Variants in PDE8B observed in about 807,000 individuals in gnomAD.
PDE8B encodes the protein phosphodiesterase 8B.
In PDE8B, 26 loss-of-function variants were observed where a neutral mutation model predicts 101.3. That is an observed-to-expected ratio of 0.26 (90% CI 0.19 to 0.36). PDE8B has a LOEUF of 0.36. Ranked by LOEUF, PDE8B falls within the 10% of genes least tolerant of loss-of-function variation. PDE8B has a pLI of 1.00. For missense variants in PDE8B, 810 were observed against 1,163.1 expected, an observed-to-expected ratio of 0.70 and a Z score of 4.42; for synonymous variants, 424 against 429.3, an observed-to-expected ratio of 0.99 and a Z score of 0.15.
chr5:77,108,288 C>A, the PDE8B span, among the ~76,000 whole-genome samples: 1 of 152,148 alleles, frequency 6.6e-6, no homozygotes, highest in Non-Finnish European at 1.5e-5. Flanking sequence ...TTAAAATTGA[C>A]ATTCATTTTA....
the PDE8B span, among the ~76,000 whole-genome samples, chr5:77,161,218 A>C: frequency 6.6e-6 from 1 of 152,164 alleles, no homozygotes; most frequent in Non-Finnish European, 1.5e-5. Context: ...CTCTTGTGCC[A>C]TTTTATATGG....
intron 1 of PDE8B, chr5:77,290,188 G>A (rs1402280501): frequency 4.8e-5 from 73 of 1,508,900 alleles, no homozygotes; most frequent in Non-Finnish European, 2.7e-6. Flanking sequence ...CCATTGATGT[G>A]GCGCCTGCCT....
At chr5:77,388,298 C>A (rs1459036356) in intron 10 of PDE8B, among the ~76,000 whole-genome samples, 1 of 152,162 alleles carries the variant, frequency 6.6e-6, no homozygotes, top group Non-Finnish European at 1.5e-5. Flanking sequence ...GATGCTATTC[C>A]TGTCTGTTAG....
chr5:77,125,579 C>T, the PDE8B span, among the ~76,000 whole-genome samples: 7 of 152,144 alleles, frequency 4.6e-5, no homozygotes, highest in Non-Finnish European at 1.0e-4. Context: ...TCAAAACAGA[C>T]GAATGGATGT....
In PDE8B at chr5:77,325,539, G is replaced by A. The variant is rs376749035; in HGVS notation, c.400G>A (p.Val134Ile). Reference sequence around the variant, plus strand: ...AGATGCCCTTTTTGTTGTGTTTCAGGTTTTGCTGATCTTTGCAAAGGAAGA... The same window carrying A: ...AGATGCCCTTTTTGTTGTGTTTCAGATTTTGCTGATCTTTGCAAAGGAAGA... ...PMRLTQDPIQ[V>I]LLIFAKEDSQ... Residue 134 changes from valine (V) to isoleucine (I), a missense_variant and splice_region_variant, in exon 3 of 22, where the codon GTT becomes ATT. By Grantham distance (29) the Val-to-Ile change is conservative (BLOSUM62 3). This residue lies in a region of PDE8B where 251 missense variants were observed against 378.8 expected (regional missense o/e 0.66). Transcript: ENST00000264917. 1.2e-6 allele frequency: 2 copies of A among 1,613,696 alleles called. No homozygotes were observed. Among genetic ancestry groups the A allele is most frequent in the African/African-American group, 2.7e-5 (2 of 74,898 alleles).
At chr5:77,416,021 CT>C (rs1156882780) in intron 17 of PDE8B, among the ~76,000 whole-genome samples, 40 of 152,196 alleles carry the variant, frequency 2.6e-4, no homozygotes, top group Admixed American at 2.6e-3. Context: ...GTGGGGTTTT[CT>C]TCCATGGACA....
At chr5:77,145,782 T>C in the PDE8B span, 3 of 152,216 alleles carry the variant, frequency 2.0e-5, no homozygotes, top group South Asian at 4.1e-4. Context: ...GAGTACAAAA[T>C]GAAAGGAGGC....
chr5:77,102,533 C>G, the PDE8B span, among the ~76,000 whole-genome samples: 2 of 152,156 alleles, frequency 1.3e-5, no homozygotes, highest in African/African-American at 4.8e-5. Flanking sequence ...TGAGGCAGGG[C>G]AGGAGCTAGG....
chr5:77,376,308 G>T (rs545635094), intron 10 of PDE8B, among the ~76,000 whole-genome samples: 6 of 152,224 alleles, frequency 3.9e-5, no homozygotes, highest in Admixed American at 2.0e-4. Context: ...CTGCTCGACC[G>T]CATGGCACCA....
At chr5:77,139,693 C>T in the PDE8B span, 2 of 152,082 alleles carry the variant, frequency 1.3e-5, no homozygotes, top group African/African-American at 2.4e-5. Context: ...TTCCTTAGTT[C>T]CAGTTTGCTT....
At chr5:77,392,543 G>A (rs1166491644) in intron 10 of PDE8B, among the ~76,000 whole-genome samples, 1 of 152,180 alleles carries the variant, frequency 6.6e-6, no homozygotes, top group Non-Finnish European at 1.5e-5. Flanking sequence ...AGTATTTACA[G>A]TAGGTATGTG....
intron 1 of PDE8B, among the ~76,000 whole-genome samples, chr5:77,224,483 C>T (rs929636272): frequency 1.3e-5 from 2 of 152,168 alleles, no homozygotes; most frequent in African/African-American, 4.8e-5. Context: ...TTCCCCCATA[C>T]TTTGGGATTC....
chr5:77,328,688 T>G (rs1157132212), intron 3 of PDE8B, among the ~76,000 whole-genome samples: 4 of 152,238 alleles, frequency 2.6e-5, no homozygotes, highest in African/African-American at 9.6e-5. Flanking sequence ...ATTTTTGTTT[T>G]GAAGAGTGGA....
At chr5:77,339,100 C>G (rs1778719730) in intron 6 of PDE8B, among the ~76,000 whole-genome samples, 1 of 152,166 alleles carries the variant, frequency 6.6e-6, no homozygotes, top group Non-Finnish European at 1.5e-5. Context: ...GGTTATTGTA[C>G]TGCTGAAATC....
chr5:77,103,253 G>T, the PDE8B span, among the ~76,000 whole-genome samples: 1 of 152,180 alleles, frequency 6.6e-6, no homozygotes, highest in Middle Eastern at 3.4e-3. Context: ...AAATGAAAAC[G>T]CTTAATGGAA....
chr5:77,302,388 A>T (rs1012216605), intron 1 of PDE8B, among the ~76,000 whole-genome samples: 3 of 152,150 alleles, frequency 2.0e-5, no homozygotes, highest in African/African-American at 7.2e-5. Context: ...GGGCATGGGT[A>T]GGGGGCAGTG....
Position 77,426,645 on chromosome 5 carries a change from A to G in PDE8B, c.*91A>G. The G allele has an allele frequency of 1.3e-6, 1 of 745,700 alleles. No homozygotes were observed. Among genetic ancestry groups the G allele is most frequent in the East Asian group, 2.6e-5 (1 of 37,926 alleles). 46.2% of individuals were successfully genotyped at this position (745,700 alleles called of 1,614,324 possible). A position where few individuals can be genotyped will look rare whatever the true frequency, so the allele number is the denominator to read the frequency against. ...GAGGCCTTCCTTTCTAATGACAATG[A>G]CAGGTATTGGTGAAGGAGCTAATGT... On this transcript the variant is annotated 3_prime_UTR_variant, in exon 22 of 22. Transcript: ENST00000264917.
the PDE8B span, among the ~76,000 whole-genome samples, chr5:77,104,282 A>G: frequency 2.0e-5 from 3 of 152,172 alleles, no homozygotes; most frequent in Admixed American, 2.0e-4. Flanking sequence ...AGTATAGTAG[A>G]TGTTCCCTTT....
the PDE8B span, among the ~76,000 whole-genome samples, chr5:77,162,335 T>C: frequency 6.6e-6 from 1 of 152,190 alleles, no homozygotes; most frequent in Non-Finnish European, 1.5e-5. Flanking sequence ...ATTGATGAGA[T>C]ATCAGTTTCC....
Sources: gnomAD v4.1 joint callset for allele counts (sites outside exome capture counted in the v4.1 genomes callset) on GRCh38, gnomAD v4.1.1 for gene constraint, gnomAD v4.1.1 regional missense constraint, MANE v1.5 for transcripts, NCBI Gene and HGNC (gene_info 2026-07-23, HGNC 2026-07-21) for gene names.